SIL1: variants seen among roughly 807,000 people sequenced by gnomAD.
The protein encoded by SIL1 is SIL1 nucleotide exchange factor.
A neutral mutation model predicts 49.1 loss-of-function variants in SIL1; 40 were observed. The observed-to-expected ratio is 0.81, with a 90% confidence interval of 0.63 to 1.06. The LOEUF is 1.06. Among genes scored for constraint, SIL1 ranks in the 50% least tolerant of loss-of-function variants. SIL1 has a pLI of 0.00. For missense variants in SIL1, 500 were observed against 572.6 expected, an observed-to-expected ratio of 0.87 and a Z score of 1.29; for synonymous variants, 253 against 250.8, an observed-to-expected ratio of 1.01 and a Z score of -0.08.
chr5:139,004,944 G>C (rs1768075666), intron 7 of SIL1, among the ~76,000 whole-genome samples: 1 of 152,140 alleles, frequency 6.6e-6, no homozygotes, highest in African/African-American at 2.4e-5. Flanking sequence ...ACTTACCAAG[G>C]GCTGGGGTAA....
At chr5:139,000,929 TAAAC>T (rs1157844825) in intron 7 of SIL1, among the ~76,000 whole-genome samples, 3 of 151,388 alleles carry the variant, frequency 2.0e-5, no homozygotes, top group Admixed American at 1.3e-4. Context: ...AACTAAAACA[TAAAC>T]AAAAGACTCT....
At chr5:139,015,491 T>C (rs1454110045) in intron 7 of SIL1, among the ~76,000 whole-genome samples, 8 of 152,234 alleles carry the variant, frequency 5.3e-5, no homozygotes, top group Admixed American at 5.2e-4. Flanking sequence ...AAGAAAAATC[T>C]GGAAGTAGAT....
intron 6 of SIL1, among the ~76,000 whole-genome samples, chr5:139,026,496 G>A (rs779728788): frequency 2.6e-5 from 4 of 152,120 alleles, no homozygotes; most frequent in South Asian, 2.1e-4. Flanking sequence ...CCTGTTGCTC[G>A]GAAGGCTGAG....
At chr5:139,051,853 G>A (rs1054149277) in intron 3 of SIL1, among the ~76,000 whole-genome samples, 2 of 152,206 alleles carry the variant, frequency 1.3e-5, no homozygotes, top group African/African-American at 2.4e-5. Context: ...AAAAGCAACT[G>A]TGCAGTAGCA....
chr5:139,133,063 CAA>C (rs11302256), intron 1 of SIL1, among the ~76,000 whole-genome samples: 177 of 148,040 alleles, frequency 1.2e-3, no homozygotes, highest in South Asian at 5.8e-3. Context: ...GCATACCCTG[CAA>C]AAAAAAAAAA....
At chr5:139,068,028 C>A (rs562550665) in intron 3 of SIL1, among the ~76,000 whole-genome samples, 2 of 152,270 alleles carry the variant, frequency 1.3e-5, no homozygotes, top group African/African-American at 4.8e-5. Context: ...AAAGAGGGAG[C>A]TTTGTACTGA....
At position 138,960,883 on chromosome 5, in the gene SIL1, A is replaced by G. The variant is rs186425903; in HGVS notation, c.768-8999T>C. ...TACCGGCCTAATCTGCCAGCCTGGC[A>G]AATCTTATGAAAAAGAAAATTAGAG... is the stretch of plus-strand genomic sequence containing the variant. On this transcript the variant is annotated intron_variant, in intron 7 of 9. Coordinates refer to ENST00000394817, the MANE Select transcript of SIL1 (RefSeq NM_022464.5). 2.8e-3 allele frequency among the ~76,000 whole-genome samples: 432 copies of G among 152,370 alleles called. 2 individuals carry two copies. The highest frequency in any genetic ancestry group is 4.4e-3 in the Non-Finnish European group (301 of 68,040).
At chr5:139,092,240 C>T (rs1408143884) in intron 3 of SIL1, among the ~76,000 whole-genome samples, 1 of 152,142 alleles carries the variant, frequency 6.6e-6, no homozygotes, top group Non-Finnish European at 1.5e-5. Flanking sequence ...CCCTCTAGGC[C>T]TCCCCTCCCT....
chr5:139,033,127 C>T (rs933140078), intron 5 of SIL1, among the ~76,000 whole-genome samples: 3 of 151,898 alleles, frequency 2.0e-5, no homozygotes, highest in Admixed American at 1.3e-4. Flanking sequence ...CCGAGTAGCT[C>T]GGACTACAAG....
At chr5:139,086,065 C>A (rs1469190335) in intron 3 of SIL1, among the ~76,000 whole-genome samples, 1 of 151,032 alleles carries the variant, frequency 6.6e-6, no homozygotes, top group East Asian at 2.0e-4. Flanking sequence ...GAGTTTGAGA[C>A]CAACTGCTCT....
At chr5:139,040,498 C>G (rs7727883) in intron 5 of SIL1, among the ~76,000 whole-genome samples, 2 of 105,326 alleles carry the variant, frequency 1.9e-5, no homozygotes, top group South Asian at 3.4e-4. Flanking sequence ...TTTCTTTTTT[C>G]TTTTTTTTTT....
chr5:139,116,650 G>C (rs1770995689), intron 3 of SIL1, among the ~76,000 whole-genome samples: 5 of 152,202 alleles, frequency 3.3e-5, no homozygotes, highest in Admixed American at 3.3e-4. Flanking sequence ...ATGTTGCCAA[G>C]GCTGGAGTGC....
intron 7 of SIL1, among the ~76,000 whole-genome samples, chr5:138,971,335 C>T (rs1376044761): frequency 1.3e-5 from 2 of 152,120 alleles, no homozygotes; most frequent in Admixed American, 6.5e-5. Flanking sequence ...TCCCATGTGA[C>T]CTACCGGCTT....
chr5:139,039,959 T>C (rs978026143), intron 5 of SIL1, among the ~76,000 whole-genome samples: 3 of 152,148 alleles, frequency 2.0e-5, no homozygotes, highest in Non-Finnish European at 4.4e-5. Flanking sequence ...CACTTAAACC[T>C]ACCAAGCTAC....
intron 3 of SIL1, among the ~76,000 whole-genome samples, chr5:139,118,430 T>C (rs946977508): frequency 6.6e-6 from 1 of 152,088 alleles, no homozygotes; most frequent in Non-Finnish European, 1.5e-5. Context: ...GCATCTACCA[T>C]CTCACTCCAT....
intron 7 of SIL1, among the ~76,000 whole-genome samples, chr5:138,967,387 C>A (rs566742380): frequency 3.3e-5 from 5 of 152,322 alleles, no homozygotes; most frequent in Non-Finnish European, 4.4e-5. Flanking sequence ...AACCGCTAGG[C>A]TAGAGTATCC....
chr5:139,111,873 C>T (rs1187711235), intron 3 of SIL1, among the ~76,000 whole-genome samples: 1 of 151,900 alleles, frequency 6.6e-6, no homozygotes, highest in Non-Finnish European at 1.5e-5. Context: ...CCTCTCTTTC[C>T]ACGGTCTCCC....
At chr5:139,017,315 A>C (rs1212739027) in intron 7 of SIL1, 1 of 152,228 alleles carries the variant, frequency 6.6e-6, no homozygotes, top group Admixed American at 6.5e-5. Context: ...GGAGGTTCCA[A>C]GGATGATGCC....
At chr5:138,995,398 C>T (rs1581014443) in intron 7 of SIL1, among the ~76,000 whole-genome samples, 1 of 152,190 alleles carries the variant, frequency 6.6e-6, no homozygotes, top group East Asian at 1.9e-4. Flanking sequence ...GCATGCACCA[C>T]CACGCCTGGC....
Sources: gnomAD v4.1 joint callset for allele counts (sites outside exome capture counted in the v4.1 genomes callset) on GRCh38, gnomAD v4.1.1 for gene constraint, MANE v1.5 for transcripts, NCBI Gene and HGNC (gene_info 2026-07-23, HGNC 2026-07-21) for gene names.